Variants in QPCT observed in about 807,000 individuals in gnomAD.
QPCT encodes EC.
QPCT carries 44 observed loss-of-function variants against 43.4 expected under a neutral mutation model. The observed-to-expected ratio is 1.01, with a 90% confidence interval of 0.80 to 1.30. The LOEUF (loss-of-function observed/expected upper bound fraction) is 1.30. QPCT is among the 50% of genes most tolerant of loss of function. The pLI, the probability that QPCT is intolerant of heterozygous loss-of-function variation, is 0.00. For synonymous variants in QPCT, 168 were observed against 168.4 expected, an observed-to-expected ratio of 1.00 and a Z score of 0.02; for missense variants, 526 against 436.5, an observed-to-expected ratio of 1.21 and a Z score of -1.83.
At chr2:37,348,447 G>T (rs1672554062) in intron 1 of QPCT, among the ~76,000 whole-genome samples, 1 of 152,174 alleles carries the variant, frequency 6.6e-6, no homozygotes, top group Non-Finnish European at 1.5e-5. Flanking sequence ...CACACAGAAG[G>T]AGTTCAGTAA....
At chr2:37,347,680 T>C (rs1297322205) in intron 1 of QPCT, among the ~76,000 whole-genome samples, 1 of 152,134 alleles carries the variant, frequency 6.6e-6, no homozygotes, top group East Asian at 1.9e-4. Context: ...TATTCCAGAG[T>C]TACTTCTTCT....
chr2:37,360,412 C>T (rs1324815584), intron 3 of QPCT, among the ~76,000 whole-genome samples: 1 of 152,120 alleles, frequency 6.6e-6, no homozygotes, highest in African/African-American at 2.4e-5. Context: ...TTGTTATGCT[C>T]TCAGCTCAAA....
chr2:37,355,024 C>G (rs888916776), intron 2 of QPCT, among the ~76,000 whole-genome samples: 2 of 152,126 alleles, frequency 1.3e-5, no homozygotes, highest in Non-Finnish European at 2.9e-5. Context: ...TAAAAAGATA[C>G]ATATTCATTT....
rs1389611529 is a variant in QPCT at position 37,372,345 on chromosome 2, G to C, written c.824-11G>C. ...ATAGTTGTTCATTTACTGTATAATT[G>C]TCATCTACAGAACATGAACTTCATG... On this transcript the variant is annotated splice_polypyrimidine_tract_variant and intron_variant, in intron 5 of 6. Transcript: ENST00000338415. 6.4e-7 allele frequency: 1 copy of C among 1,552,682 alleles called. No individual in the cohort carries two copies. Among genetic ancestry groups the C allele is most frequent in the East Asian group, 2.2e-5 (1 of 44,602 alleles).
At chr2:37,367,755 G>C (rs1672995519) in intron 4 of QPCT, among the ~76,000 whole-genome samples, 1 of 152,072 alleles carries the variant, frequency 6.6e-6, no homozygotes. Context: ...TGTAATCTTA[G>C]CTACTCAAGA....
intron 3 of QPCT, among the ~76,000 whole-genome samples, chr2:37,360,879 CA>C (rs1672846826): frequency 6.6e-6 from 1 of 152,108 alleles, no homozygotes. Context: ...AAAGCTGATG[CA>C]AAAGTCTAAT....
chr2:37,357,475 G>A (rs530229031), intron 2 of QPCT, among the ~76,000 whole-genome samples: 2 of 152,176 alleles, frequency 1.3e-5, no homozygotes, highest in South Asian at 4.2e-4. Context: ...CTGTTAGAAT[G>A]AACCCATATT....
chr2:37,357,310 G>T (rs1458974717), intron 2 of QPCT, among the ~76,000 whole-genome samples: 7 of 141,998 alleles, frequency 4.9e-5, no homozygotes, highest in South Asian at 2.2e-4. Context: ...GACCCATTTT[G>T]TGGAATTTTT....
intron 1 of QPCT, among the ~76,000 whole-genome samples, chr2:37,346,897 TAA>T (rs1414384357): frequency 6.6e-6 from 1 of 151,876 alleles, no homozygotes; most frequent in African/African-American, 2.4e-5. Context: ...TGAGGTGTGG[TAA>T]AGAAAGCATT....
chr2:37,359,274 A>G (rs780380767), intron 2 of QPCT, among the ~76,000 whole-genome samples: 3 of 152,220 alleles, frequency 2.0e-5, no homozygotes, highest in Non-Finnish European at 4.4e-5. Flanking sequence ...AGCAAGGAGA[A>G]GATATGTCGA....
intron 3 of QPCT, among the ~76,000 whole-genome samples, chr2:37,364,398 G>A (rs1278655953): frequency 1.3e-5 from 2 of 152,160 alleles, no homozygotes; most frequent in Admixed American, 6.5e-5. Context: ...GGTCCAGGCT[G>A]GAGCAGGCAG....
intron 1 of QPCT, among the ~76,000 whole-genome samples, chr2:37,347,846 C>G (rs1050398672): frequency 6.6e-6 from 1 of 152,166 alleles, no homozygotes; most frequent in Non-Finnish European, 1.5e-5. Context: ...TTTATATGCT[C>G]TTTAAAAATA....
intron 2 of QPCT, among the ~76,000 whole-genome samples, chr2:37,354,871 A>T (rs1046486650): frequency 2.0e-5 from 3 of 152,158 alleles, no homozygotes; most frequent in African/African-American, 7.2e-5. Flanking sequence ...ATATAACCAG[A>T]AATGATATGC....
At chr2:37,356,383 A>G (rs948459176) in intron 2 of QPCT, among the ~76,000 whole-genome samples, 3 of 152,060 alleles carry the variant, frequency 2.0e-5, no homozygotes, top group Non-Finnish European at 2.9e-5. Flanking sequence ...ACATAGATGT[A>G]TAGCAACCCA....
intron 2 of QPCT, among the ~76,000 whole-genome samples, chr2:37,359,359 G>A (rs73924611): frequency 6.6e-6 from 1 of 152,090 alleles, no homozygotes; most frequent in Non-Finnish European, 1.5e-5. Context: ...GGAAGTTTAA[G>A]GGAGAGGCAA....
At chr2:37,344,928 C>T in intron 1 of QPCT, 77 bp downstream of exon 1, 2 of 1,461,236 alleles carry the variant, frequency 1.4e-6, no homozygotes, top group Non-Finnish European at 9.0e-7. Context: ...GTCAGCCCTA[C>T]CTAGGCAGAG....
Position 37,372,239 on chromosome 2 carries a change from TC to T in QPCT, c.824-116del, listed in dbSNP as rs1673091668. The T allele has an allele frequency of 6.0e-5, 47 of 781,506 alleles. No homozygotes were observed. In the South Asian group the frequency reaches 6.9e-4, roughly 12 times the overall value. The allele number at this position is 781,506 out of a possible 1,614,324, so 48.4% of individuals were successfully genotyped here. On this transcript the variant is annotated intron_variant, in intron 5 of 6. Coordinates refer to ENST00000338415, the MANE Select transcript of QPCT (RefSeq NM_012413.4). ...TGTGGCCATGCTTGCTGTTGCATAA[TC>T]TTTTACAAATTATGGACACATGTGC...
At chr2:37,366,820 C>A (rs72864894) in intron 3 of QPCT, among the ~76,000 whole-genome samples, 1 of 152,188 alleles carries the variant, frequency 6.6e-6, no homozygotes, top group African/African-American at 2.4e-5. Flanking sequence ...TAGGTCAGCA[C>A]TGGATGTGGG....
Position 37,373,215 on chromosome 2 carries a change from C to G in QPCT, c.*388C>G, listed in dbSNP as rs1673117973. 6.5e-6 allele frequency: 1 copy of G among 154,088 alleles called. No homozygotes were observed. The highest frequency in any genetic ancestry group is 2.4e-5 in the African/African-American group (1 of 41,226). 9.5% of individuals were successfully genotyped at this position (154,088 alleles called of 1,614,324 possible). A position where few individuals can be genotyped will look rare whatever the true frequency, so the allele number is the denominator to read the frequency against. On this transcript the variant is annotated 3_prime_UTR_variant, in exon 7 of 7. Transcript: ENST00000338415. ...TTATGATTTTTTCATATGTGGAAAT[C>G]TATTACATGTAATACAAAACAAACA... is the stretch of plus-strand genomic sequence containing the variant.
Sources: gnomAD v4.1 joint callset for allele counts (sites outside exome capture counted in the v4.1 genomes callset) on GRCh38, gnomAD v4.1.1 for gene constraint, MANE v1.5 for transcripts, NCBI Gene and HGNC (gene_info 2026-07-23, HGNC 2026-07-21) for gene names.